SNTG2: variants seen among roughly 807,000 people sequenced by gnomAD.
SNTG2 encodes the protein syntrophin gamma 2.
SNTG2 carries 74 observed loss-of-function variants against 70.9 expected under a neutral mutation model. The ratio of observed to expected loss-of-function variants is 1.04; its 90% confidence interval spans 0.86 to 1.27. The LOEUF is 1.27. SNTG2 is among the 50% of genes most tolerant of loss of function. SNTG2 has a pLI of 0.00. For synonymous variants in SNTG2, 278 were observed against 273.8 expected (o/e 1.02, Z -0.15); for missense variants, 717 against 690.7 (o/e 1.04, Z -0.43).
At chr2:1,247,519 T>C in intron 12 of SNTG2, 76 bp downstream of exon 12, 1 of 1,043,734 alleles carries the variant, frequency 9.6e-7, no homozygotes, top group Non-Finnish European at 1.5e-6. Context: ...AAGCTACATC[T>C]GGTGTTTGGA....
chr2:1,064,929 A>T (rs1044108376), intron 1 of SNTG2, among the ~76,000 whole-genome samples: 2 of 152,262 alleles, frequency 1.3e-5, no homozygotes, highest in African/African-American at 4.8e-5. Flanking sequence ...TTTAACAAAA[A>T]GAATGAAAGG....
intron 4 of SNTG2, among the ~76,000 whole-genome samples, chr2:1,098,795 A>G (rs1665565661): frequency 6.6e-6 from 1 of 152,190 alleles, no homozygotes; most frequent in South Asian, 2.1e-4. Context: ...CTCTGAGCCT[A>G]AGAACGTAAT....
chr2:1,089,522 C>A (rs1233423048), intron 2 of SNTG2, among the ~76,000 whole-genome samples: 1 of 152,192 alleles, frequency 6.6e-6, no homozygotes, highest in African/African-American at 2.4e-5. Flanking sequence ...GTAATCCCAG[C>A]TACTCAGGAG....
intron 6 of SNTG2, among the ~76,000 whole-genome samples, chr2:1,165,061 C>T (rs1261528600): frequency 6.6e-6 from 1 of 152,224 alleles, no homozygotes; most frequent in Non-Finnish European, 1.5e-5. Context: ...TAATTTGAAA[C>T]TCCAGCACAG....
At chr2:1,012,773 T>A (rs1247749743) in intron 1 of SNTG2, among the ~76,000 whole-genome samples, 35 of 63,020 alleles carry the variant, frequency 5.6e-4, no homozygotes, top group East Asian at 7.6e-4. Context: ...AGGATTTATA[T>A]GGGCAGAGAG....
In SNTG2 at chr2:1,124,452, GC is replaced by G. The variant is rs757409744; in HGVS notation, c.326-13167del. On this transcript the variant is annotated intron_variant, in intron 4 of 16. Coordinates refer to ENST00000308624, the MANE Select transcript of SNTG2 (RefSeq NM_018968.4). ...TGGGACTACAGGTGCTCGCCACCAC[GC>G]CCGGCTAATTTTTTTTGTATTTTTA... Among the ~76,000 whole-genome samples the G allele has an allele frequency of 8.6e-4, 130 of 152,036 alleles. 2 individuals carry two copies. Among genetic ancestry groups the G allele is most frequent in the Non-Finnish European group, 1.0e-3 (69 of 67,978 alleles).
At chr2:951,896 C>G (rs1189983310) in intron 1 of SNTG2, among the ~76,000 whole-genome samples, 1 of 152,100 alleles carries the variant, frequency 6.6e-6, no homozygotes, top group Admixed American at 6.5e-5. Context: ...GCTCCCAGTC[C>G]CAGGAGCGAC....
chr2:1,141,387 T>C (rs540398754), intron 6 of SNTG2, among the ~76,000 whole-genome samples: 3 of 152,358 alleles, frequency 2.0e-5, no homozygotes, highest in Admixed American at 2.0e-4. Flanking sequence ...CGATGTGTGC[T>C]AACAGCTAGA....
At chr2:1,022,947 G>A (rs1660274752) in intron 1 of SNTG2, among the ~76,000 whole-genome samples, 1 of 152,140 alleles carries the variant, frequency 6.6e-6, no homozygotes. Context: ...GAAGATAAAG[G>A]AGATAAATGG....
At chr2:1,106,599 C>G (rs1181082724) in intron 4 of SNTG2, among the ~76,000 whole-genome samples, 4 of 142,354 alleles carry the variant, frequency 2.8e-5, no homozygotes, top group Admixed American at 2.8e-4. Context: ...TGGACACGTG[C>G]TGTCACTTGG....
intron 16 of SNTG2, among the ~76,000 whole-genome samples, chr2:1,339,838 G>T (rs991528499): frequency 6.6e-6 from 1 of 152,206 alleles, no homozygotes; most frequent in Non-Finnish European, 1.5e-5. Flanking sequence ...ATGGTCAGGT[G>T]GGGGAAAGGG....
chr2:985,538 G>A (rs940579130), intron 1 of SNTG2, among the ~76,000 whole-genome samples: 2 of 152,082 alleles, frequency 1.3e-5, no homozygotes, highest in Non-Finnish European at 2.9e-5. Flanking sequence ...ACCCTGGGAG[G>A]ATCTAATCCT....
chr2:1,147,466 A>G (rs1669175285), intron 6 of SNTG2, among the ~76,000 whole-genome samples: 1 of 152,226 alleles, frequency 6.6e-6, no homozygotes, highest in Non-Finnish European at 1.5e-5. Context: ...TCTTTCTCCC[A>G]TGCTGGATGC....
intron 4 of SNTG2, among the ~76,000 whole-genome samples, chr2:1,131,374 A>G (rs1668001233): frequency 6.6e-6 from 1 of 152,112 alleles, no homozygotes; most frequent in African/African-American, 2.4e-5. Context: ...CAGGGGATGG[A>G]TTCAGCCACA....
intron 1 of SNTG2, among the ~76,000 whole-genome samples, chr2:979,456 G>A (rs1346246431): frequency 6.6e-6 from 1 of 152,162 alleles, no homozygotes; most frequent in Non-Finnish European, 1.5e-5. Context: ...GAGCTTGCCC[G>A]TCGGGCTGTG....
intron 16 of SNTG2, among the ~76,000 whole-genome samples, chr2:1,357,376 G>C (rs561414544): frequency 7.2e-5 from 11 of 152,148 alleles, no homozygotes; most frequent in African/African-American, 2.4e-4. Context: ...TTTGTTGAAT[G>C]CTTTTCATGA....
At chr2:1,194,069 C>T (rs571387056) in intron 8 of SNTG2, among the ~76,000 whole-genome samples, 2 of 152,366 alleles carry the variant, frequency 1.3e-5, no homozygotes, top group East Asian at 1.9e-4. Context: ...GGAATCCTGG[C>T]AGCCTTTCCT....
intron 2 of SNTG2, among the ~76,000 whole-genome samples, chr2:1,088,228 G>T (rs948704234): frequency 8.5e-5 from 13 of 152,148 alleles, no homozygotes; most frequent in Non-Finnish European, 1.6e-4. Context: ...GTATTTTTCT[G>T]TTGATAACTT....
At chr2:1,120,574 A>C (rs1029614756) in intron 4 of SNTG2, among the ~76,000 whole-genome samples, 2 of 152,180 alleles carry the variant, frequency 1.3e-5, no homozygotes, top group Non-Finnish European at 2.9e-5. Flanking sequence ...TATTCCATGC[A>C]AATGGTAGCC....
Sources: gnomAD v4.1 joint callset for allele counts (sites outside exome capture counted in the v4.1 genomes callset) on GRCh38, gnomAD v4.1.1 for gene constraint, MANE v1.5 for transcripts, NCBI Gene and HGNC (gene_info 2026-07-23, HGNC 2026-07-21) for gene names.